ANK3: variants seen among roughly 807,000 people sequenced by gnomAD.
ANK3 encodes ankyrin-3.
A neutral mutation model predicts 370.9 loss-of-function variants in ANK3; 57 were observed. The observed-to-expected ratio is 0.15, with a 90% CI of 0.12 to 0.19. ANK3 has a LOEUF of 0.19. Ranked by LOEUF, ANK3 falls within the 10% of genes least tolerant of loss-of-function variation. The probability of loss-of-function intolerance (pLI) is 1.00; values close to 1 mark genes in which losing one functional copy is unlikely to be tolerated. For missense variants in ANK3, 4,439 were observed against 5,302.1 expected (o/e 0.84, Z 5.06); for synonymous variants, 1,929 against 1,946.3 (o/e 0.99, Z 0.23).
chr10:60,523,611 T>C (rs977145940), intron 2 of ANK3, among the ~76,000 whole-genome samples: 1 of 152,036 alleles, frequency 6.6e-6, no homozygotes, highest in Non-Finnish European at 1.5e-5. Context: ...ATGGTGTATA[T>C]GTGCCACATT....
rs1287214930 is a variant in ANK3, at chr10:60,085,249, G to GC, written c.3752dup (p.Thr1252HisfsTer71). The GC allele has an allele frequency of 6.2e-7, 1 of 1,610,322 alleles. No individual in the cohort carries two copies. Among genetic ancestry groups the GC allele is most frequent in the Non-Finnish European group, 8.5e-7 (1 of 1,178,390 alleles). On this transcript the variant is annotated frameshift_variant, in exon 31 of 44. Coordinates refer to ENST00000280772, the MANE Select transcript of ANK3 (RefSeq NM_020987.5). LOFTEE classifies it high-confidence loss of function. ...TGTCTTCCCACTGAGCAGGCGAAGT[G>GC]CCCCCTGAGAGAACAACAGCAGATA...
At chr10:60,085,399 T>C in intron 30 of ANK3, 146 bp from the exon 31 acceptor site, 1 of 489,110 alleles carries the variant, frequency 2.0e-6, no homozygotes. Context: ...TAAAGGTAGT[T>C]TTCCTCTCTA....
intron 1 of ANK3, among the ~76,000 whole-genome samples, chr10:60,709,055 T>A (rs1029417493): frequency 1.1e-4 from 17 of 152,124 alleles, no homozygotes; most frequent in Non-Finnish European, 1.8e-4. Context: ...CACAATTCAT[T>A]GTGTCTGGCT....
intron 1 of ANK3, among the ~76,000 whole-genome samples, chr10:60,336,400 C>A (rs1406349955): frequency 6.6e-6 from 1 of 152,188 alleles, no homozygotes; most frequent in East Asian, 1.9e-4. Flanking sequence ...TGATAGCTCA[C>A]AATACAGAAT....
rs141713197 is a variant in ANK3, at chr10:60,042,716, T to C, written c.13109A>G (p.His4370Arg). 6.2e-7 allele frequency: 1 copy of C among 1,614,020 alleles called. No individual in the cohort carries two copies. Residue 4370 changes from histidine (H) to arginine (R), a missense_variant, in exon 43 of 44, where the codon CAT (histidine) becomes CGT (arginine). His to Arg is a conservative substitution (Grantham distance 29). Coordinates refer to ENST00000280772, the MANE Select transcript of ANK3 (RefSeq NM_020987.5). ...FKVKTKKEIR[H>R]VEKKSHS is the part of the protein sequence containing the mutation. ...TTACGAGTGGCTCTTCTTTTCCACA[T>C]GCCGGATTTCTTTCTTCGTTTTCAC... is the stretch of plus-strand genomic sequence containing the variant.
chr10:60,633,396 A>T (rs1040414951), intron 1 of ANK3, among the ~76,000 whole-genome samples: 1 of 152,200 alleles, frequency 6.6e-6, no homozygotes, highest in Non-Finnish European at 1.5e-5. Context: ...TTTATTTTCT[A>T]ATAATAGACT....
chr10:60,289,832 T>G (rs2040916256), intron 1 of ANK3, among the ~76,000 whole-genome samples: 1 of 152,210 alleles, frequency 6.6e-6, no homozygotes, highest in Admixed American at 6.5e-5. Context: ...TTTCAAAATC[T>G]AAAATGTGTT....
chr10:60,051,233 CTCAAATAAAACTACAACCGCCACATA>C (rs578181011), intron 42 of ANK3, among the ~76,000 whole-genome samples: 36 of 152,284 alleles, frequency 2.4e-4, no homozygotes, highest in African/African-American at 7.9e-4. Flanking sequence ...GCCAAGAATT[CTCAAATAAAACTACAACCGCCACATA>C]TCAAATAGGC....
intron 5 of ANK3, among the ~76,000 whole-genome samples, chr10:60,265,606 T>G (rs1435904080): frequency 6.6e-6 from 1 of 152,144 alleles, no homozygotes; most frequent in Non-Finnish European, 1.5e-5. Flanking sequence ...GCATGCAAGT[T>G]ACTTATTATT....
chr10:60,492,802 C>T (rs2075552839), intron 2 of ANK3, among the ~76,000 whole-genome samples: 1 of 149,718 alleles, frequency 6.7e-6, no homozygotes, highest in African/African-American at 2.5e-5. Context: ...CTGAGCCGGG[C>T]GTGGTGGCTC....
intron 8 of ANK3, among the ~76,000 whole-genome samples, chr10:60,226,089 T>C (rs1166918893): frequency 2.1e-5 from 3 of 141,002 alleles, no homozygotes; most frequent in Non-Finnish European, 4.5e-5. Context: ...GAGGATATAG[T>C]ATATATCTAA....
At chr10:60,093,032 G>C (rs575013845) in intron 28 of ANK3, among the ~76,000 whole-genome samples, 1 of 152,138 alleles carries the variant, frequency 6.6e-6, no homozygotes, top group Admixed American at 6.5e-5. Flanking sequence ...CACTGCACCC[G>C]GCCAGAATTT....
intron 1 of ANK3, among the ~76,000 whole-genome samples, chr10:60,382,032 T>C (rs1465034943): frequency 1.3e-5 from 2 of 152,182 alleles, no homozygotes; most frequent in South Asian, 2.1e-4. Flanking sequence ...TTTCACTGTA[T>C]AGATGTCTTA....
intron 42 of ANK3, among the ~76,000 whole-genome samples, chr10:60,049,995 G>A (rs1366069576): frequency 6.6e-6 from 1 of 152,150 alleles, no homozygotes; most frequent in East Asian, 1.9e-4. Flanking sequence ...ACATTAGTAT[G>A]TGATATGTTA....
intron 25 of ANK3, among the ~76,000 whole-genome samples, chr10:60,131,622 C>T (rs772105669): frequency 3.0e-4 from 45 of 152,218 alleles, no homozygotes; most frequent in Admixed American, 9.2e-4. Context: ...GCTGCCCCCA[C>T]AGTCTACCTG....
chr10:60,240,717 G>A (rs145335764), intron 7 of ANK3, among the ~76,000 whole-genome samples: 3,395 of 152,072 alleles, frequency 0.022, 116 homozygotes, highest in African/African-American at 0.074. Flanking sequence ...TCAGCCTCCT[G>A]AGTAGCTGGG....
chr10:60,448,811 C>G (rs1305308208), intron 2 of ANK3, among the ~76,000 whole-genome samples: 1 of 152,212 alleles, frequency 6.6e-6, no homozygotes, highest in Non-Finnish European at 1.5e-5. Context: ...AGCTGTGGCT[C>G]CTCTCCAACT....
intron 2 of ANK3, among the ~76,000 whole-genome samples, chr10:60,593,679 G>A (rs980220205): frequency 6.6e-6 from 1 of 152,076 alleles, no homozygotes; most frequent in Non-Finnish European, 1.5e-5. Context: ...TTTACTACAA[G>A]AAAATTAAAT....
chr10:60,356,472 C>T (rs545352613), intron 1 of ANK3, among the ~76,000 whole-genome samples: 3 of 152,304 alleles, frequency 2.0e-5, no homozygotes, highest in African/African-American at 7.2e-5. Context: ...TCCAATTCCT[C>T]CCTTGGGGAC....
Sources: allele counts gnomAD v4.1 joint callset (sites outside exome capture counted in the v4.1 genomes callset), GRCh38; gene constraint gnomAD v4.1.1; transcripts MANE v1.5; gene names NCBI Gene and HGNC (gene_info 2026-07-23, HGNC 2026-07-21).